ST8SIA5: variants seen among roughly 807,000 people sequenced by gnomAD.
The protein encoded by ST8SIA5 is alpha-2,8-sialyltransferase 8E.
Under a neutral mutation model 40.2 loss-of-function variants are expected in ST8SIA5, and 24 were observed. The observed-to-expected ratio is 0.60, with a 90% CI of 0.43 to 0.84. ST8SIA5 has a LOEUF of 0.84. Ranked by LOEUF, ST8SIA5 falls within the 40% of genes least tolerant of loss-of-function variation. The pLI is 0.00. For missense variants in ST8SIA5, 465 were observed against 498.5 expected (o/e 0.93, Z 0.64); for synonymous variants, 198 against 201.8 (o/e 0.98, Z 0.16).
Position 46,680,225 on chromosome 18 carries a change from CACCTCCTCACAGAGCT to C in ST8SIA5, c.932_947del (p.Glu311GlyfsTer11). 1 of 1,614,232 alleles carries C rather than the reference CACCTCCTCACAGAGCT, an allele frequency of 6.2e-7. No individual in the cohort carries two copies. The highest frequency in any genetic ancestry group is 8.5e-7 in the Non-Finnish European group (1 of 1,180,034). The stretch of plus-strand genomic sequence containing the variant: ...GGAAGGCCCAGAAGCCAAAGAGGTG[CACCTCCTCACAGAGCT>C]CCAGCGCCGCAGTGACCAGAATGAG... On this transcript the variant is annotated frameshift_variant, in exon 7 of 7. Coordinates refer to ENST00000315087, the MANE Select transcript of ST8SIA5 (RefSeq NM_013305.6). LOFTEE classifies it high-confidence loss of function.
chr18:46,735,528 A>G (rs1292019241), intron 1 of ST8SIA5, among the ~76,000 whole-genome samples: 2 of 152,204 alleles, frequency 1.3e-5, no homozygotes, highest in Non-Finnish European at 2.9e-5. Context: ...AGACTTATAA[A>G]TAAGTGCATG....
chr18:46,749,139 G>T (rs1432815410), intron 1 of ST8SIA5, among the ~76,000 whole-genome samples: 1 of 152,166 alleles, frequency 6.6e-6, no homozygotes, highest in African/African-American at 2.4e-5. Context: ...CCATTTATAT[G>T]AAATGCTCAA....
intron 1 of ST8SIA5, among the ~76,000 whole-genome samples, chr18:46,749,837 G>C (rs974457673): frequency 3.9e-5 from 6 of 152,190 alleles, no homozygotes; most frequent in Admixed American, 2.0e-4. Flanking sequence ...TGGAGGCTTG[G>C]GGGGATGATT....
chr18:46,756,531 C>T lies in ST8SIA5; in HGVS notation c.-23G>A, dbSNP rs1197815588. On this transcript the variant is annotated 5_prime_UTR_variant, in exon 1 of 7. Transcript: ENST00000315087. ...CATCCTGGCTACCGGGCGCCGCGGG[C>T]GCGGGGTACGGGGCGGCCAGGCAAT... is the stretch of plus-strand genomic sequence containing the variant. 6.2e-7 allele frequency: 1 copy of T among 1,610,844 alleles called. No homozygotes were observed. Among genetic ancestry groups the T allele is most frequent in the East Asian group, 2.2e-5 (1 of 44,708 alleles).
At chr18:46,753,822 G>A (rs771860251) in intron 1 of ST8SIA5, among the ~76,000 whole-genome samples, 4 of 152,132 alleles carry the variant, frequency 2.6e-5, no homozygotes, top group Non-Finnish European at 4.4e-5. Context: ...CGGGGAATAG[G>A]GGATTGAGAA....
intron 5 of ST8SIA5, among the ~76,000 whole-genome samples, chr18:46,682,340 CT>C (rs1390456933): frequency 6.6e-6 from 1 of 152,164 alleles, no homozygotes; most frequent in African/African-American, 2.4e-5. Flanking sequence ...GTCCCTGGAC[CT>C]TTGGAGGATG....
chr18:46,738,632 C>T (rs1195050912), intron 1 of ST8SIA5, among the ~76,000 whole-genome samples: 4 of 152,142 alleles, frequency 2.6e-5, no homozygotes, highest in Non-Finnish European at 5.9e-5. Flanking sequence ...CACCACACAC[C>T]CAGGCTGCAG....
At chr18:46,686,029 A>G (rs2039442490) in intron 5 of ST8SIA5, 145 bp downstream of exon 5, 1 of 729,718 alleles carries the variant, frequency 1.4e-6, no homozygotes, top group Admixed American at 2.2e-5. Context: ...GGCTGGAGAG[A>G]AGAAGGGATA....
At chr18:46,707,625 A>AC (rs973782511) in intron 1 of ST8SIA5, among the ~76,000 whole-genome samples, 12 of 151,946 alleles carry the variant, frequency 7.9e-5, no homozygotes, top group African/African-American at 2.4e-4. Context: ...ACATCCCTCC[A>AC]CCCCTCATTG....
At position 46,679,637 on chromosome 18, in the gene ST8SIA5, TCTCA is replaced by T; in HGVS notation, c.*401_*404del. 8.4e-6 allele frequency: 2 copies of T among 237,884 alleles called. No homozygotes were observed. Among genetic ancestry groups the T allele is most frequent in the Non-Finnish European group, 1.6e-5 (2 of 121,522 alleles). The allele number at this position is 237,884 out of a possible 1,614,324, so 14.7% of individuals were successfully genotyped here. A position where few individuals can be genotyped will look rare whatever the true frequency, so the allele number is the denominator to read the frequency against. Reference sequence around the variant, plus strand: ...GTCCTGTGAAGTGTCCTGTCTCCACTCTCAATTCCATTCTCTGTAGGGTCTTCCT... The same window carrying T: ...GTCCTGTGAAGTGTCCTGTCTCCACTATTCCATTCTCTGTAGGGTCTTCCT... On this transcript the variant is annotated 3_prime_UTR_variant, in exon 7 of 7. Transcript: ENST00000315087.
intron 4 of ST8SIA5, among the ~76,000 whole-genome samples, chr18:46,687,662 C>G (rs922592883): frequency 1.3e-5 from 2 of 152,120 alleles, no homozygotes; most frequent in African/African-American, 4.8e-5. Context: ...CCCCCACATC[C>G]CCAGAATGCA....
Position 46,671,551 on chromosome 18 carries a change from C to T in ST8SIA5, c.*8491G>A, listed in dbSNP as rs1599090847. The T allele has an allele frequency of 6.6e-6, 1 of 152,222 alleles. No homozygotes were observed. The highest frequency in any genetic ancestry group is 1.5e-5 in the Non-Finnish European group (1 of 68,108). 9.4% of individuals were successfully genotyped at this position (152,222 alleles called of 1,614,324 possible). A position where few individuals can be genotyped will look rare whatever the true frequency, so the allele number is the denominator to read the frequency against. On this transcript the variant is annotated 3_prime_UTR_variant, in exon 7 of 7. Transcript: ENST00000315087. The stretch of plus-strand genomic sequence containing the variant: ...AAGTGTGTGGTACTCAGATCCTACC[C>T]AGCGCCGGTCACAAGGTGACCCTCA...
intron 1 of ST8SIA5, among the ~76,000 whole-genome samples, chr18:46,715,900 C>T (rs926992948): frequency 2.6e-5 from 4 of 152,054 alleles, no homozygotes; most frequent in African/African-American, 9.7e-5. Context: ...AAGTGATCTA[C>T]TTAAATCAAT....
intron 2 of ST8SIA5, among the ~76,000 whole-genome samples, chr18:46,693,822 A>G (rs2039530134): frequency 6.6e-6 from 1 of 152,212 alleles, no homozygotes; most frequent in African/African-American, 2.4e-5. Context: ...CTCTTTCAGC[A>G]GTGCCTAAGC....
intron 3 of ST8SIA5, chr18:46,691,408 G>A (rs2039504155): frequency 6.6e-6 from 1 of 152,172 alleles, no homozygotes; most frequent in Non-Finnish European, 1.5e-5. Flanking sequence ...CATGCTTAGA[G>A]CTCCTCAGTA....
intron 1 of ST8SIA5, among the ~76,000 whole-genome samples, chr18:46,750,557 C>T (rs1029967948): frequency 2.6e-5 from 4 of 152,088 alleles, no homozygotes; most frequent in African/African-American, 2.4e-5. Flanking sequence ...AGGATCCTGT[C>T]CCCACTTCTC....
intron 1 of ST8SIA5, among the ~76,000 whole-genome samples, chr18:46,751,228 T>G (rs762760322): frequency 6.6e-6 from 1 of 152,124 alleles, no homozygotes; most frequent in Non-Finnish European, 1.5e-5. Context: ...AATCATAGAG[T>G]ATTTGTCCTC....
chr18:46,725,959 T>TAAAAAAAA (rs72220502), intron 1 of ST8SIA5, among the ~76,000 whole-genome samples: 4 of 17,188 alleles, frequency 2.3e-4, no homozygotes, highest in Non-Finnish European at 3.9e-4. Context: ...CATCTCTACT[T>TAAAAAAAA]AAAAAAAAAA....
At chr18:46,716,241 G>T (rs2039790415) in intron 1 of ST8SIA5, among the ~76,000 whole-genome samples, 1 of 152,186 alleles carries the variant, frequency 6.6e-6, no homozygotes, top group Admixed American at 6.5e-5. Context: ...CACCTCAAAT[G>T]TTTGAGGGTA....
Sources: gnomAD v4.1 joint callset for allele counts (sites outside exome capture counted in the v4.1 genomes callset) on GRCh38, gnomAD v4.1.1 for gene constraint, MANE v1.5 for transcripts, NCBI Gene and HGNC (gene_info 2026-07-23, HGNC 2026-07-21) for gene names.